TENM1: variants seen among roughly 807,000 people sequenced by gnomAD.
TENM1 encodes teneurin transmembrane protein 1.
A neutral mutation model predicts 174.8 loss-of-function variants in TENM1; 35 were observed. That is an observed-to-expected ratio of 0.20 (90% CI 0.15 to 0.27). The LOEUF (loss-of-function observed/expected upper bound fraction) is 0.27. TENM1 is among the 10% of genes least tolerant of loss of function. The pLI, the probability that TENM1 is intolerant of heterozygous loss-of-function variation, is 1.00. For missense variants in TENM1, 1,633 were observed against 2,130.1 expected, an observed-to-expected ratio of 0.77 and a Z score of 4.59; for synonymous variants, 781 against 798.7, an observed-to-expected ratio of 0.98 and a Z score of 0.37.
At chrX:124,612,794 T>G (rs1005522131) in intron 11 of TENM1, among the ~76,000 whole-genome samples, 1 of 110,590 alleles carries the variant, frequency 9.0e-6, no homozygotes, top group Non-Finnish European at 1.9e-5. Flanking sequence ...TCTATCTATA[T>G]CATCTATCTA....
At chrX:124,588,800 A>G (rs2049635144) in intron 11 of TENM1, among the ~76,000 whole-genome samples, 1 of 112,121 alleles carries the variant, frequency 8.9e-6, no homozygotes, top group Non-Finnish European at 1.9e-5. Flanking sequence ...GCCTTTTGGC[A>G]GAGTCTTTAG....
intron 15 of TENM1, among the ~76,000 whole-genome samples, chrX:124,535,121 C>T (rs1024887462): frequency 1.8e-5 from 2 of 111,734 alleles, no homozygotes; most frequent in African/African-American, 6.5e-5. Flanking sequence ...TGATTGTCCA[C>T]GAGAATCACT....
At chrX:125,095,475 G>A in the TENM1 span, among the ~76,000 whole-genome samples, 2 of 111,643 alleles carry the variant, frequency 1.8e-5, no homozygotes, top group Non-Finnish European at 3.8e-5. Flanking sequence ...TAAACCTGCA[G>A]TTAGTTATAG....
intron 4 of TENM1, among the ~76,000 whole-genome samples, chrX:124,711,921 C>A (rs758064221): frequency 3.6e-4 from 40 of 111,843 alleles, no homozygotes; most frequent in African/African-American, 1.1e-3. Context: ...ACTTTACATA[C>A]TTCATATAAG....
chrX:124,826,145 C>A (rs1305000415), intron 3 of TENM1, among the ~76,000 whole-genome samples: 1 of 111,366 alleles, frequency 9.0e-6, no homozygotes, highest in Non-Finnish European at 1.9e-5. Context: ...CACAGTGGCT[C>A]AAAACTGTAA....
intron 22 of TENM1, among the ~76,000 whole-genome samples, chrX:124,461,645 C>T (rs111998810): frequency 1.8e-5 from 2 of 111,589 alleles, no homozygotes; most frequent in East Asian, 5.6e-4. Flanking sequence ...ATAAGTCAAG[C>T]ACAGAAACAC....
chrX:125,138,461 C>T, the TENM1 span, among the ~76,000 whole-genome samples: 4 of 111,619 alleles, frequency 3.6e-5, no homozygotes, highest in South Asian at 7.5e-4. Flanking sequence ...TTCCTCATTA[C>T]GTTGCCCTCT....
intron 3 of TENM1, among the ~76,000 whole-genome samples, chrX:124,832,644 G>C (rs1012849393): frequency 8.9e-6 from 1 of 112,225 alleles, no homozygotes. Context: ...CAGCAGTCTC[G>C]GCTCACAGCA....
At chrX:124,491,955 C>T (rs1448067718) in intron 20 of TENM1, among the ~76,000 whole-genome samples, 1 of 111,658 alleles carries the variant, frequency 9.0e-6, no homozygotes, top group Non-Finnish European at 1.9e-5. Flanking sequence ...GAGAGCTACA[C>T]ATCTGTGGAT....
At chrX:125,033,387 G>T in the TENM1 span, among the ~76,000 whole-genome samples, 1 of 111,369 alleles carries the variant, frequency 9.0e-6, no homozygotes, top group African/African-American at 3.3e-5. Context: ...TGACCCATAT[G>T]AAAAAAACCC....
intron 3 of TENM1, among the ~76,000 whole-genome samples, chrX:124,867,789 T>C: frequency 8.9e-6 from 1 of 112,257 alleles, no homozygotes; most frequent in East Asian, 2.8e-4. Context: ...TTCAGTAAAG[T>C]TGCAGGATAC....
upstream of TENM1, among the ~76,000 whole-genome samples, chrX:124,968,538 T>C (rs2058754217): frequency 8.9e-6 from 1 of 112,100 alleles, no homozygotes; most frequent in Admixed American, 9.5e-5. Context: ...CCCTTTCAAA[T>C]TTCCAATCAT....
chrX:124,689,196 G>A (rs2052454278), intron 5 of TENM1, among the ~76,000 whole-genome samples: 1 of 111,896 alleles, frequency 8.9e-6, no homozygotes, highest in African/African-American at 3.2e-5. Flanking sequence ...GTAGTGTAAA[G>A]TGTTGCAAAA....
intron 15 of TENM1, among the ~76,000 whole-genome samples, chrX:124,532,845 C>A (rs777550118): frequency 2.7e-5 from 3 of 112,085 alleles, no homozygotes; most frequent in African/African-American, 9.7e-5. Context: ...ATTATTTATA[C>A]ACTCCATGTC....
At chrX:124,542,963 C>T (rs1336228681) in intron 15 of TENM1, among the ~76,000 whole-genome samples, 5 of 112,292 alleles carry the variant, frequency 4.5e-5, no homozygotes, top group African/African-American at 1.6e-4. Context: ...TATTTAAAGG[C>T]TCTCAGGGAA....
At chrX:125,022,150 C>A in the TENM1 span, among the ~76,000 whole-genome samples, 1 of 111,995 alleles carries the variant, frequency 8.9e-6, no homozygotes, top group African/African-American at 3.2e-5. Context: ...ATATGTGCCT[C>A]ATTTATACTA....
chrX:124,735,915 C>A (rs992760437), intron 4 of TENM1, among the ~76,000 whole-genome samples: 1 of 111,005 alleles, frequency 9.0e-6, no homozygotes, highest in Non-Finnish European at 1.9e-5. Context: ...AAATGATAGA[C>A]CCTTGGGACT....
In TENM1 at chrX:124,603,203, G is replaced by C. The variant is rs963931083; in HGVS notation, c.2078-37643C>G. Among the ~76,000 whole-genome samples the C allele has an allele frequency of 5.4e-5, 6 of 111,413 alleles. No homozygotes were observed. The South Asian group carries it at 1.5e-3, about 28-fold the overall frequency. On this transcript the variant is annotated intron_variant, in intron 11 of 31. Transcript: ENST00000422452. ...CAGAACTGAGAGAGAATAAATTTCA[G>C]TTGCTTAAAGTCACCTGGTTTGGGG...
chrX:124,660,773 T>C (rs1174612260), intron 6 of TENM1, among the ~76,000 whole-genome samples: 3 of 112,169 alleles, frequency 2.7e-5, no homozygotes, highest in East Asian at 2.8e-4. Flanking sequence ...CTGGTGGGAA[T>C]GTAAAATGGT....
Sources: allele counts gnomAD v4.1 joint callset (sites outside exome capture counted in the v4.1 genomes callset), GRCh38; gene constraint gnomAD v4.1.1; transcripts MANE v1.5; gene names NCBI Gene and HGNC (gene_info 2026-07-23, HGNC 2026-07-21).